Variants in TAFA2 observed in about 807,000 individuals in gnomAD.
TAFA2 encodes chemokine-like protein TAFA-2.
TAFA2 carries 7 observed loss-of-function variants against 18.8 expected under a neutral mutation model. That is an observed-to-expected ratio of 0.37 (90% CI 0.21 to 0.70). The LOEUF is 0.70. Ranked by LOEUF, TAFA2 falls within the 30% of genes least tolerant of loss-of-function variation. The pLI is 0.53. For synonymous variants in TAFA2, 60 were observed against 54.2 expected (o/e 1.11, Z -0.47); for missense variants, 122 against 158.1 (o/e 0.77, Z 1.23).
chr12:61,873,422 A>G (rs1013569439), intron 1 of TAFA2, among the ~76,000 whole-genome samples: 1 of 152,114 alleles, frequency 6.6e-6, no homozygotes, highest in Non-Finnish European at 1.5e-5. Context: ...CAGAGAAGGA[A>G]AGTAAAGATG....
In TAFA2 at chr12:61,852,964, C is replaced by T. The variant is rs540471864; in HGVS notation, c.106+14356G>A. Among the ~76,000 whole-genome samples, 20 of 152,262 alleles carry T rather than the reference C, an allele frequency of 1.3e-4. 1 individual carries two copies. In the South Asian group the frequency reaches 4.1e-3, roughly 32 times the overall value. Reference sequence around the variant, plus strand: ...CCTTTAGCTGTAGGAAGAATAAGTACTGCAGATCTAACATACAGGATAGCA... The same window carrying T: ...CCTTTAGCTGTAGGAAGAATAAGTATTGCAGATCTAACATACAGGATAGCA... On this transcript the variant is annotated intron_variant, in intron 2 of 4. Transcript: ENST00000416284.
intron 1 of TAFA2, among the ~76,000 whole-genome samples, chr12:62,231,241 A>G (rs1310767850): frequency 6.6e-6 from 1 of 152,180 alleles, no homozygotes; most frequent in East Asian, 1.9e-4. Flanking sequence ...TGCTTTATAT[A>G]TTCTATAATG....
At chr12:61,762,631 TTTTA>T (rs1869605044) in intron 2 of TAFA2, among the ~76,000 whole-genome samples, 1 of 44,664 alleles carries the variant, frequency 2.2e-5, no homozygotes, top group African/African-American at 7.6e-5. Context: ...TAATTTCATT[TTTTA>T]TATATATATA....
intron 1 of TAFA2, chr12:61,880,614 C>A: frequency 2.4e-6 from 1 of 419,086 alleles, no homozygotes; most frequent in Admixed American, 2.7e-5. Flanking sequence ...GGGGGCCTCA[C>A]AAGCCCCCCT....
At chr12:61,718,172 A>C (rs1276080598) in intron 4 of TAFA2, among the ~76,000 whole-genome samples, 1 of 152,158 alleles carries the variant, frequency 6.6e-6, no homozygotes, top group African/African-American at 2.4e-5. Context: ...ACTGGAAATG[A>C]ATCTTTTGAA....
chr12:61,904,498 G>A (rs529501751), intron 1 of TAFA2, among the ~76,000 whole-genome samples: 2 of 152,086 alleles, frequency 1.3e-5, no homozygotes, highest in African/African-American at 4.8e-5. Context: ...AGGTGCTAGG[G>A]CTCTAAAAAT....
chr12:61,842,721 G>A (rs1157789582), intron 2 of TAFA2, among the ~76,000 whole-genome samples: 3 of 151,896 alleles, frequency 2.0e-5, no homozygotes, highest in African/African-American at 7.3e-5. Context: ...AATAAAAAAT[G>A]AAAAATACAA....
At chr12:62,059,886 C>A (rs1882299474) in intron 1 of TAFA2, among the ~76,000 whole-genome samples, 1 of 152,152 alleles carries the variant, frequency 6.6e-6, no homozygotes, top group East Asian at 1.9e-4. Flanking sequence ...TTAATTTGAA[C>A]TTTTATTTCT....
At chr12:62,233,794 C>G (rs1165088819) in intron 1 of TAFA2, among the ~76,000 whole-genome samples, 1 of 152,198 alleles carries the variant, frequency 6.6e-6, no homozygotes, top group African/African-American at 2.4e-5. Flanking sequence ...TGTCCACTCC[C>G]CTCACTTGGG....
chr12:61,981,200 G>C (rs1006642432), intron 1 of TAFA2, among the ~76,000 whole-genome samples: 1 of 152,114 alleles, frequency 6.6e-6, no homozygotes, highest in Non-Finnish European at 1.5e-5. Context: ...AAAAAAACAA[G>C]AAATGGGGAA....
Position 62,021,949 on chromosome 12 carries a change from C to G in TAFA2, c.-1-154523G>C, listed in dbSNP as rs1413737668. Reference sequence around the variant, plus strand: ...GAATTGCAACACACCATGGCAGGCCCTCCTCACAGCAAGCCCTCCTAGGAG... The same window carrying G: ...GAATTGCAACACACCATGGCAGGCCGTCCTCACAGCAAGCCCTCCTAGGAG... On this transcript the variant is annotated intron_variant, in intron 1 of 4. Coordinates refer to ENST00000416284, the MANE Select transcript of TAFA2 (RefSeq NM_178539.5). 5.6e-6 allele frequency: 4 copies of G among 712,658 alleles called. No individual in the cohort carries two copies. In the African/African-American group the frequency reaches 7.0e-5, roughly 12 times the overall value. The allele number at this position is 712,658 out of a possible 1,614,324, so 44.1% of individuals were successfully genotyped here.
intron 1 of TAFA2, among the ~76,000 whole-genome samples, chr12:62,165,138 A>C (rs1482552834): frequency 1.3e-5 from 2 of 151,944 alleles, no homozygotes; most frequent in Non-Finnish European, 2.9e-5. Context: ...CAGATAGCAA[A>C]CCTTCTCAGT....
intron 1 of TAFA2, among the ~76,000 whole-genome samples, chr12:62,039,729 A>G (rs1881708448): frequency 6.6e-6 from 1 of 152,176 alleles, no homozygotes; most frequent in African/African-American, 2.4e-5. Flanking sequence ...ATGCATATAC[A>G]CTTGCACAAT....
chr12:62,001,860 G>C (rs998221730), intron 1 of TAFA2, among the ~76,000 whole-genome samples: 2 of 152,158 alleles, frequency 1.3e-5, no homozygotes, highest in Admixed American at 6.5e-5. Flanking sequence ...ATGAAAATAA[G>C]ATATTATGCA....
chr12:61,886,653 G>T (rs774581039), intron 1 of TAFA2, among the ~76,000 whole-genome samples: 14 of 152,168 alleles, frequency 9.2e-5, no homozygotes, highest in Admixed American at 2.0e-4. Context: ...GTGTCCACTT[G>T]CTGGAGTTGA....
chr12:62,195,456 C>T (rs1435699446), upstream of TAFA2, among the ~76,000 whole-genome samples: 1 of 152,130 alleles, frequency 6.6e-6, no homozygotes, highest in Non-Finnish European at 1.5e-5. Context: ...TTATCTATGA[C>T]AGATGTAGCC....
At chr12:61,883,677 T>C (rs1875247443) in intron 1 of TAFA2, among the ~76,000 whole-genome samples, 1 of 152,176 alleles carries the variant, frequency 6.6e-6, no homozygotes, top group Non-Finnish European at 1.5e-5. Context: ...AAAAGGTGAC[T>C]TCATGAAATT....
intron 2 of TAFA2, among the ~76,000 whole-genome samples, chr12:61,773,706 A>C (rs1401825878): frequency 6.6e-6 from 1 of 152,116 alleles, no homozygotes; most frequent in Non-Finnish European, 1.5e-5. Flanking sequence ...AATTAACTCA[A>C]GATGAGTCAA....
At chr12:61,792,863 G>C (rs1044434482) in intron 2 of TAFA2, among the ~76,000 whole-genome samples, 3 of 151,332 alleles carry the variant, frequency 2.0e-5, no homozygotes, top group Non-Finnish European at 4.4e-5. Context: ...GACTTAAAAA[G>C]TAGAAAAAAA....
Sources: allele counts gnomAD v4.1 joint callset (sites outside exome capture counted in the v4.1 genomes callset), GRCh38; gene constraint gnomAD v4.1.1; transcripts MANE v1.5; gene names NCBI Gene and HGNC (gene_info 2026-07-23, HGNC 2026-07-21).